ANKS1B: variants seen among roughly 807,000 people sequenced by gnomAD.
The protein encoded by ANKS1B is ankyrin repeat and sterile alpha motif domain containing 1B.
Under a neutral mutation model 148.3 loss-of-function variants are expected in ANKS1B, and 36 were observed. The observed-to-expected ratio is 0.24, with a 90% confidence interval of 0.19 to 0.32. The LOEUF (loss-of-function observed/expected upper bound fraction) is 0.32, where lower values mean the gene tolerates loss of function less well. Ranked by LOEUF, ANKS1B falls within the 10% of genes least tolerant of loss-of-function variation. The pLI is 1.00. For synonymous variants in ANKS1B, 542 were observed against 560.8 expected, an observed-to-expected ratio of 0.97 and a Z score of 0.47; for missense variants, 1,157 against 1,542.6, an observed-to-expected ratio of 0.75 and a Z score of 4.19.
intron 17 of ANKS1B, among the ~76,000 whole-genome samples, chr12:98,912,243 C>A (rs564280261): frequency 1.3e-5 from 2 of 152,300 alleles, no homozygotes; most frequent in Admixed American, 1.3e-4. Flanking sequence ...TGAACCATGG[C>A]AGCCTGGCTC....
At chr12:99,463,155 A>G (rs954240212) in intron 10 of ANKS1B, among the ~76,000 whole-genome samples, 1 of 152,246 alleles carries the variant, frequency 6.6e-6, no homozygotes, top group Admixed American at 6.5e-5. Context: ...GGCACTTCAC[A>G]AAAGAAAAGT....
intron 17 of ANKS1B, among the ~76,000 whole-genome samples, chr12:98,932,068 C>T (rs1312531271): frequency 6.6e-6 from 1 of 152,176 alleles, no homozygotes; most frequent in Non-Finnish European, 1.5e-5. Context: ...ACACCTGCCT[C>T]TGGCCTCTCT....
At chr12:99,358,132 A>G (rs1326723916) in intron 12 of ANKS1B, among the ~76,000 whole-genome samples, 1 of 151,984 alleles carries the variant, frequency 6.6e-6, no homozygotes, top group Non-Finnish European at 1.5e-5. Flanking sequence ...ATAGGTTAAC[A>G]TTTACTTCTT....
chr12:99,351,084 T>C (rs991320688), intron 12 of ANKS1B, among the ~76,000 whole-genome samples: 2 of 152,160 alleles, frequency 1.3e-5, no homozygotes, highest in African/African-American at 4.8e-5. Flanking sequence ...CTCTAGAATG[T>C]AAGTATTTTG....
At chr12:99,491,720 A>G (rs1037049414) in intron 10 of ANKS1B, among the ~76,000 whole-genome samples, 2 of 152,152 alleles carry the variant, frequency 1.3e-5, no homozygotes, top group Admixed American at 6.5e-5. Context: ...TTAGTTTGCT[A>G]AGGATTACAG....
At chr12:99,957,484 C>T (rs1258921601) in intron 1 of ANKS1B, among the ~76,000 whole-genome samples, 1 of 152,170 alleles carries the variant, frequency 6.6e-6, no homozygotes, top group Non-Finnish European at 1.5e-5. Flanking sequence ...TTTGCCTTTA[C>T]CCTAAACACA....
Position 99,246,541 on chromosome 12 carries a change from T to G in ANKS1B, c.2080A>C (p.Ser694Arg). Residue 694 changes from serine (S) to arginine (R), a missense_variant, in exon 13 of 27, where the codon AGT becomes CGT. This residue lies in a region of ANKS1B where 661 missense variants were observed against 642.1 expected (regional missense o/e 1.03). Transcript: ENST00000683438. The stretch of plus-strand genomic sequence containing the variant: ...CACTGGTCCCCATTCCGAGATCCAC[T>G]CCTGGTTGATCTTGTGCCAACAATG... ...HTIVGTRSTR[S>R]GSRNGDQWVM... The G allele has an allele frequency of 6.2e-7, 1 of 1,613,454 alleles. No homozygotes were observed. The highest frequency in any genetic ancestry group is 8.5e-7 in the Non-Finnish European group (1 of 1,179,718).
At chr12:98,762,198 T>C (rs1011393785) in intron 25 of ANKS1B, among the ~76,000 whole-genome samples, 1 of 152,154 alleles carries the variant, frequency 6.6e-6, no homozygotes, top group African/African-American at 2.4e-5. Context: ...AGTCCCTGGA[T>C]CACCTGCATA....
intron 12 of ANKS1B, among the ~76,000 whole-genome samples, chr12:99,334,047 G>T (rs560457715): frequency 4.6e-5 from 7 of 151,474 alleles, no homozygotes; most frequent in Non-Finnish European, 1.0e-4. Flanking sequence ...TCACATCATA[G>T]AATATTTATA....
intron 9 of ANKS1B, among the ~76,000 whole-genome samples, chr12:99,568,770 T>C (rs770104803): frequency 7.9e-5 from 12 of 152,152 alleles, no homozygotes; most frequent in Non-Finnish European, 1.5e-4. Context: ...CTTGCAATTG[T>C]CAAATAAGTA....
chr12:99,680,675 C>T (rs1022218347), intron 8 of ANKS1B, among the ~76,000 whole-genome samples: 3 of 152,234 alleles, frequency 2.0e-5, no homozygotes, highest in Admixed American at 6.5e-5. Context: ...ACAGAAACTG[C>T]GGCAGGCAGG....
At chr12:99,224,730 G>A (rs897890060) in intron 14 of ANKS1B, among the ~76,000 whole-genome samples, 10 of 152,118 alleles carry the variant, frequency 6.6e-5, no homozygotes, top group African/African-American at 2.4e-4. Flanking sequence ...CATCATCACT[G>A]TTATTTTAAA....
chr12:99,777,735 C>T (rs1163934025), intron 6 of ANKS1B, among the ~76,000 whole-genome samples: 2 of 151,996 alleles, frequency 1.3e-5, no homozygotes, highest in East Asian at 4.0e-4. Context: ...CAGGCGCCCA[C>T]CACCGCGCCC....
intron 12 of ANKS1B, among the ~76,000 whole-genome samples, chr12:99,379,530 A>T (rs1309186760): frequency 6.6e-6 from 1 of 152,250 alleles, no homozygotes; most frequent in Non-Finnish European, 1.5e-5. Context: ...AATCTAATTG[A>T]CAATGATGAC....
At chr12:99,450,541 A>G (rs1358630619) in intron 10 of ANKS1B, among the ~76,000 whole-genome samples, 1 of 152,170 alleles carries the variant, frequency 6.6e-6, no homozygotes, top group East Asian at 1.9e-4. Flanking sequence ...TTTTTTTCTG[A>G]GTATTTTAAT....
chr12:99,978,981 A>C (rs1184578626), intron 1 of ANKS1B, among the ~76,000 whole-genome samples: 1 of 152,234 alleles, frequency 6.6e-6, no homozygotes, highest in Non-Finnish European at 1.5e-5. Context: ...ATAATTCTCT[A>C]TCCTATACTC....
intron 1 of ANKS1B, among the ~76,000 whole-genome samples, chr12:99,844,034 C>T (rs2086206441): frequency 6.6e-6 from 1 of 152,132 alleles, no homozygotes; most frequent in Admixed American, 6.6e-5. Flanking sequence ...TTCTTGGCCA[C>T]ATGTATGTCT....
chr12:99,935,001 T>C (rs2153811371), intron 1 of ANKS1B, among the ~76,000 whole-genome samples: 1 of 152,250 alleles, frequency 6.6e-6, no homozygotes, highest in African/African-American at 2.4e-5. Context: ...TATTTCCCAC[T>C]GTTGGAATAT....
intron 14 of ANKS1B, among the ~76,000 whole-genome samples, chr12:99,208,960 A>G (rs561151797): frequency 6.0e-4 from 91 of 152,210 alleles, no homozygotes; most frequent in African/African-American, 1.8e-3. Context: ...ATTTGTGAGG[A>G]TTCTTGTTTT....
Sources: gnomAD v4.1 joint callset for allele counts (sites outside exome capture counted in the v4.1 genomes callset) on GRCh38, gnomAD v4.1.1 for gene constraint, gnomAD v4.1.1 regional missense constraint, MANE v1.5 for transcripts, NCBI Gene and HGNC (gene_info 2026-07-23, HGNC 2026-07-21) for gene names.